The following E2F3 variants were observed in gnomAD, a reference collection of about 807,000 sequenced individuals.
E2F3 encodes the protein E2F transcription factor 3.
In E2F3, 11 loss-of-function variants were observed where a neutral mutation model predicts 44.4. That is an observed-to-expected ratio of 0.25 (90% CI 0.16 to 0.41). The LOEUF is 0.41. E2F3 is among the 10% of genes least tolerant of loss of function. The pLI is 1.00. For missense variants in E2F3, 487 were observed against 583.6 expected (o/e 0.83, Z 1.70); for synonymous variants, 249 against 253.0 (o/e 0.98, Z 0.15).
At chr6:20,406,565 A>T (rs187717792) in intron 1 of E2F3, among the ~76,000 whole-genome samples, 1 of 152,338 alleles carries the variant, frequency 6.6e-6, no homozygotes, top group Non-Finnish European at 1.5e-5. Context: ...GCTTTTAAAT[A>T]TATAAAACAT....
At chr6:20,459,096 T>C (rs1761410795) in intron 1 of E2F3, among the ~76,000 whole-genome samples, 1 of 152,120 alleles carries the variant, frequency 6.6e-6, no homozygotes, top group Admixed American at 6.5e-5. Context: ...TGAAACCCCG[T>C]CTCTACTAAA....
At chr6:20,428,085 A>C (rs1277114695) in intron 1 of E2F3, among the ~76,000 whole-genome samples, 1 of 152,236 alleles carries the variant, frequency 6.6e-6, no homozygotes, top group Non-Finnish European at 1.5e-5. Context: ...CTAAGGTCAC[A>C]GACATTTAGT....
chr6:20,484,468 G>A (rs1466075828), intron 4 of E2F3, among the ~76,000 whole-genome samples: 1 of 152,140 alleles, frequency 6.6e-6, no homozygotes, highest in African/African-American at 2.4e-5. Flanking sequence ...ATTTTAATAA[G>A]TTCTTGTCAT....
At chr6:20,462,756 C>A (rs566464914) in intron 1 of E2F3, among the ~76,000 whole-genome samples, 1 of 151,782 alleles carries the variant, frequency 6.6e-6, no homozygotes, top group African/African-American at 2.4e-5. Flanking sequence ...CCACACCCTG[C>A]CTAGTTCACT....
At chr6:20,430,959 A>G (rs1320506675) in intron 1 of E2F3, among the ~76,000 whole-genome samples, 1 of 152,154 alleles carries the variant, frequency 6.6e-6, no homozygotes, top group Non-Finnish European at 1.5e-5. Context: ...CAGGAGATGG[A>G]GGTTGCAGTG....
chr6:20,448,261 G>T (rs1312123254), intron 1 of E2F3, among the ~76,000 whole-genome samples: 2 of 152,176 alleles, frequency 1.3e-5, no homozygotes, highest in African/African-American at 4.8e-5. Flanking sequence ...GCTCTCCAAG[G>T]AGTGCTCTTG....
At chr6:20,428,287 G>C (rs564801388) in intron 1 of E2F3, among the ~76,000 whole-genome samples, 1 of 151,900 alleles carries the variant, frequency 6.6e-6, no homozygotes, top group Non-Finnish European at 1.5e-5. Flanking sequence ...GCAATGGTGC[G>C]ATCTTGGCTC....
chr6:20,403,250 G>A (rs916833014), intron 1 of E2F3, among the ~76,000 whole-genome samples: 1 of 152,078 alleles, frequency 6.6e-6, no homozygotes, highest in Non-Finnish European at 1.5e-5. Context: ...CTGGAAGCCG[G>A]GTGCGGACTG....
chr6:20,431,301 G>A (rs1453110808), intron 1 of E2F3, among the ~76,000 whole-genome samples: 1 of 152,122 alleles, frequency 6.6e-6, no homozygotes, highest in African/African-American at 2.4e-5. Flanking sequence ...AGATGTTTTT[G>A]CTTCTGGAGA....
chr6:20,412,500 G>T (rs1561847926), intron 1 of E2F3, among the ~76,000 whole-genome samples: 1 of 152,140 alleles, frequency 6.6e-6, no homozygotes, highest in Admixed American at 6.6e-5. Context: ...TCAGGAGGCA[G>T]CATTTGGACT....
chr6:20,445,107 G>T, intron 1 of E2F3: 1 of 985,394 alleles, frequency 1.0e-6, no homozygotes, highest in African/African-American at 1.7e-5. Context: ...GTCGAGAGCG[G>T]GTCATGGTGA....
intron 5 of E2F3, 56 bp from the exon 6 acceptor site, chr6:20,488,057 T>C (rs1449789371): frequency 1.1e-5 from 17 of 1,594,512 alleles, no homozygotes; most frequent in South Asian, 4.6e-5. Context: ...AGAATTACTA[T>C]GGCTTTTATT....
At chr6:20,482,716 C>A (rs1369304185) in intron 3 of E2F3, 46 bp from the exon 4 acceptor site, 2 of 1,523,074 alleles carry the variant, frequency 1.3e-6, no homozygotes, top group South Asian at 2.6e-5. Flanking sequence ...TCTCCTTCCC[C>A]TCCCTCCCAT....
At chr6:20,462,700 C>G (rs1368252641) in intron 1 of E2F3, among the ~76,000 whole-genome samples, 2 of 151,634 alleles carry the variant, frequency 1.3e-5, no homozygotes, top group African/African-American at 4.8e-5. Flanking sequence ...TCAGGTAATC[C>G]GCCCACCTCG....
chr6:20,445,920 G>A (rs1231163334), intron 1 of E2F3, among the ~76,000 whole-genome samples: 1 of 152,244 alleles, frequency 6.6e-6, no homozygotes, highest in African/African-American at 2.4e-5. Context: ...AGCTCAGGGT[G>A]CAAGGCAGGG....
At chr6:20,476,716 A>G (rs766502183) in intron 1 of E2F3, among the ~76,000 whole-genome samples, 5 of 152,368 alleles carry the variant, frequency 3.3e-5, no homozygotes, top group South Asian at 4.1e-4. Context: ...ATGGGCCACA[A>G]TGATTAGCCA....
chr6:20,417,656 T>G (rs1759892593), intron 1 of E2F3, among the ~76,000 whole-genome samples: 1 of 151,574 alleles, frequency 6.6e-6, no homozygotes, highest in Non-Finnish European at 1.5e-5. Context: ...GCCCAAAGCC[T>G]GGATATGCTT....
At chr6:20,440,409 T>G (rs1760735456) in intron 1 of E2F3, among the ~76,000 whole-genome samples, 1 of 152,228 alleles carries the variant, frequency 6.6e-6, no homozygotes, top group African/African-American at 2.4e-5. Flanking sequence ...CTAAGGCAGT[T>G]CTCACTGCAG....
At chr6:20,447,277 A>G (rs1199441156) in intron 1 of E2F3, among the ~76,000 whole-genome samples, 1 of 152,134 alleles carries the variant, frequency 6.6e-6, no homozygotes, top group African/African-American at 2.4e-5. Flanking sequence ...TTCTTGCCCA[A>G]GGGACAAATG....
Sources: gnomAD v4.1 joint callset for allele counts (sites outside exome capture counted in the v4.1 genomes callset) on GRCh38, gnomAD v4.1.1 for gene constraint, MANE v1.5 for transcripts, NCBI Gene and HGNC (gene_info 2026-07-23, HGNC 2026-07-21) for gene names.